The following NANOGNB variants were observed in gnomAD, a reference collection of about 807,000 sequenced individuals.
NANOGNB encodes the protein homeobox C14.
In NANOGNB, 30 loss-of-function variants were observed where a neutral mutation model predicts 25.0. The observed-to-expected ratio is 1.20, with a 90% CI of 0.90 to 1.63. The LOEUF (loss-of-function observed/expected upper bound fraction) is 1.63. Among genes scored for constraint, NANOGNB ranks in the 40% most tolerant of loss-of-function variants. NANOGNB has a pLI of 0.00. For missense variants in NANOGNB, 200 were observed against 188.1 expected (o/e 1.06, Z -0.37); for synonymous variants, 84 against 62.1 (o/e 1.35, Z -1.66).
At chr12:7,766,904 G>A (rs1290295558) in intron 1 of NANOGNB, among the ~76,000 whole-genome samples, 1 of 152,166 alleles carries the variant, frequency 6.6e-6, no homozygotes, top group Non-Finnish European at 1.5e-5. Flanking sequence ...ACAGTGGGGC[G>A]ATCTCAGCTC....
Position 7,773,773 on chromosome 12 carries a change from CTTTTTTTT to C in NANOGNB, c.516-14_516-7del, listed in dbSNP as rs34408824. On this transcript the variant is annotated intron_variant, in intron 3 of 3. Transcript: ENST00000382119. ...AATATATAGACTGTGTTGCGAAACT[CTTTTTTTT>C]TTTTTTTTTTTTAAACAGATGGAGA... 7.7e-5 allele frequency: 40 copies of C among 518,956 alleles called. No homozygotes were observed. The highest frequency in any genetic ancestry group is 1.1e-4 in the Non-Finnish European group (35 of 304,970). 32.1% of individuals were successfully genotyped at this position (518,956 alleles called of 1,614,324 possible). A position where few individuals can be genotyped will look rare whatever the true frequency, so the allele number is the denominator to read the frequency against.
intron 1 of NANOGNB, among the ~76,000 whole-genome samples, chr12:7,768,933 T>G (rs960896019): frequency 6.6e-6 from 1 of 151,780 alleles, no homozygotes; most frequent in Non-Finnish European, 1.5e-5. Flanking sequence ...CGCCGGGCCT[T>G]GTTACTGGCA....
At chr12:7,773,546 CAAAAAAAA>C (rs869038102) in intron 3 of NANOGNB, among the ~76,000 whole-genome samples, 5 of 15,444 alleles carry the variant, frequency 3.2e-4, no homozygotes, top group South Asian at 5.7e-3. Context: ...ACTAAAAATA[CAAAAAAAA>C]AAAAAAAAAA....
Position 7,774,088 on chromosome 12 carries a change from T to A in NANOGNB, c.*237T>A, listed in dbSNP as rs147013986. The A allele has an allele frequency of 4.3e-4, 146 of 341,648 alleles. 2 individuals carry two copies. Among genetic ancestry groups the A allele is most frequent in the African/African-American group, 2.8e-3 (131 of 47,038 alleles). The allele number at this position is 341,648 out of a possible 1,614,324, so 21.2% of individuals were successfully genotyped here. ...TTAAAGTTTTTATAATGGATGTTAATTGATTTTATTTAAGAAAAAAAATCG... is the reference window on the plus strand; with the variant it reads ...TTAAAGTTTTTATAATGGATGTTAAATGATTTTATTTAAGAAAAAAAATCG... On this transcript the variant is annotated 3_prime_UTR_variant, in exon 4 of 4. Transcript: ENST00000382119.
At chr12:7,765,569 C>CAAAAAAAAAAAAAAA (rs1187331161) in intron 1 of NANOGNB, among the ~76,000 whole-genome samples, 182 bp downstream of exon 1, 8 of 48,664 alleles carry the variant, frequency 1.6e-4, no homozygotes, top group African/African-American at 4.9e-4. Context: ...GACTCCGTCT[C>CAAAAAAAAAAAAAAA]AAAAAAAAAA....
rs1187331161 is a variant in NANOGNB, at chr12:7,765,569, C to CAAAAAAAAAAAAAA, written c.102+189_102+202dup. On this transcript the variant is annotated intron_variant, in intron 1 of 3. Transcript: ENST00000382119. ...TGGGCGACAGAGTGAGACTCCGTCT[C>CAAAAAAAAAAAAAA]AAAAAAAAAAAAAAAAAAAAGAAGT... Among the ~76,000 whole-genome samples the CAAAAAAAAAAAAAA allele has an allele frequency of 7.6e-4, 37 of 48,666 alleles. 2 individuals carry two copies. Among genetic ancestry groups the CAAAAAAAAAAAAAA allele is most frequent in the African/African-American group, 2.3e-3 (33 of 14,236 alleles). The allele number at this position is 48,666 out of a possible 152,430, so 31.9% of individuals were successfully genotyped here.
rs772638808 is a variant in NANOGNB, at chr12:7,766,345, C to T, written c.102+958C>T. ...ACAATTAGCCGGGCTTGGTGAGGCACGCCTGTAGTCCCAGCTACTCAGGAG... is the reference window on the plus strand; with the variant it reads ...ACAATTAGCCGGGCTTGGTGAGGCATGCCTGTAGTCCCAGCTACTCAGGAG... On this transcript the variant is annotated intron_variant, in intron 1 of 3. Transcript: ENST00000382119. 8.3e-4 allele frequency among the ~76,000 whole-genome samples: 127 copies of T among 152,160 alleles called. 2 individuals carry two copies. Among genetic ancestry groups the T allele is most frequent in the Non-Finnish European group, 1.5e-3 (100 of 67,990 alleles).
At chr12:7,772,535 C>T (rs1862584640) in intron 3 of NANOGNB, among the ~76,000 whole-genome samples, 1 of 151,380 alleles carries the variant, frequency 6.6e-6, no homozygotes, top group African/African-American at 2.4e-5. Context: ...CCTCAGCCTC[C>T]CAAAGTGCTG....
At chr12:7,768,568 A>G (rs964734556) in intron 1 of NANOGNB, among the ~76,000 whole-genome samples, 4 of 151,156 alleles carry the variant, frequency 2.6e-5, no homozygotes, top group African/African-American at 9.7e-5. Context: ...TCCAGGCTGC[A>G]GTCCAGTGGC....
At chr12:7,766,117 ACT>A in intron 1 of NANOGNB, 3 of 398,460 alleles carry the variant, frequency 7.5e-6, no homozygotes, top group Non-Finnish European at 1.3e-5. Flanking sequence ...GGGAGAATAA[ACT>A]CTTTCAATGT....
At position 7,765,369 on chromosome 12, in the gene NANOGNB, G is replaced by A. The variant is rs143053607; in HGVS notation, c.84G>A (p.Glu28=). Reference sequence around the variant, plus strand: ...GCAGATCACGAGGTCAGGAAATCGAGACCATCTTGGCTAACAAGGTAAAAC... The same window carrying A: ...GCAGATCACGAGGTCAGGAAATCGAAACCATCTTGGCTAACAAGGTAAAAC... ...EAGRSRGQEI[E]TILANKKQSA... Residue 28 remains glutamate (E), a synonymous_variant, in exon 1 of 4, where the codon GAG becomes GAA. Coordinates refer to ENST00000382119, the MANE Select transcript of NANOGNB (RefSeq NM_001145465.1). 146 of 521,704 alleles carry A rather than the reference G, an allele frequency of 2.8e-4. 1 individual carries two copies. The highest frequency in any genetic ancestry group is 2.4e-3 in the African/African-American group (119 of 49,216). 32.3% of individuals were successfully genotyped at this position (521,704 alleles called of 1,614,324 possible).
chr12:7,772,092 C>A (rs1862573443), intron 3 of NANOGNB, among the ~76,000 whole-genome samples: 1 of 152,200 alleles, frequency 6.6e-6, no homozygotes, highest in South Asian at 2.1e-4. Flanking sequence ...CCACTCAATG[C>A]ACCTCAGTAT....
intron 1 of NANOGNB, among the ~76,000 whole-genome samples, 182 bp downstream of exon 1, chr12:7,765,569 CAA>C (rs1187331161): frequency 1.0e-4 from 5 of 48,660 alleles, no homozygotes; most frequent in Non-Finnish European, 8.9e-5. Flanking sequence ...GACTCCGTCT[CAA>C]AAAAAAAAAA....
Position 7,770,216 on chromosome 12 carries a change from C to T in NANOGNB, c.336C>T (p.Ser112=), listed in dbSNP as rs1450333281. The change falls in exon 2 of 4, where the codon TCC becomes TCT. Residue 112 remains serine, a synonymous_variant. Transcript: ENST00000382119. ...QYPEKRLVSK[S]LMHTLWAKFK... is the part of the protein sequence containing the mutation. ...CCGAGAAAAGATTAGTCAGCAAATC[C>T]CTCATGCATACTCTCTGGGCAAAGT... is the stretch of plus-strand genomic sequence containing the variant. 1.3e-6 allele frequency: 2 copies of T among 1,551,882 alleles called. No individual in the cohort carries two copies. Among genetic ancestry groups the T allele is most frequent in the Admixed American group, 2.0e-5 (1 of 50,952 alleles).
At chr12:7,773,218 A>C (rs928650858) in intron 3 of NANOGNB, among the ~76,000 whole-genome samples, 2 of 150,010 alleles carry the variant, frequency 1.3e-5, no homozygotes, top group African/African-American at 4.9e-5. Context: ...CAGCCTCCCG[A>C]GTAGCTGGGA....
intron 1 of NANOGNB, among the ~76,000 whole-genome samples, chr12:7,769,700 G>A (rs1250811705): frequency 2.0e-5 from 3 of 151,984 alleles, no homozygotes; most frequent in Non-Finnish European, 2.9e-5. Context: ...GCTAATGTTT[G>A]TATTTTTAGT....
chr12:7,768,441 A>C (rs1322720635), intron 1 of NANOGNB, among the ~76,000 whole-genome samples: 1 of 151,938 alleles, frequency 6.6e-6, no homozygotes, highest in East Asian at 1.9e-4. Flanking sequence ...GATGGTCTTT[A>C]ATGTGGCAAC....
intron 2 of NANOGNB, 37 bp from the exon 3 acceptor site, chr12:7,770,402 C>G (rs1276875111): frequency 6.6e-7 from 1 of 1,526,154 alleles, no homozygotes; most frequent in South Asian, 1.3e-5. Flanking sequence ...ATCCTTATTC[C>G]TGTATTAATC....
chr12:7,773,190 A>G (rs551745757), intron 3 of NANOGNB, among the ~76,000 whole-genome samples: 37 of 144,942 alleles, frequency 2.6e-4, no homozygotes, highest in Non-Finnish European at 2.2e-4. Context: ...CTCCCAGGTT[A>G]CAGTGATCCT....
Sources: allele counts gnomAD v4.1 joint callset (sites outside exome capture counted in the v4.1 genomes callset), GRCh38; gene constraint gnomAD v4.1.1; transcripts MANE v1.5; gene names NCBI Gene and HGNC (gene_info 2026-07-23, HGNC 2026-07-21).